MKLN1: variants seen among roughly 807,000 people sequenced by gnomAD.
MKLN1 encodes muskelin.
Under a neutral mutation model 99.0 loss-of-function variants are expected in MKLN1, and 18 were observed. That is an observed-to-expected ratio of 0.18 (90% confidence interval 0.13 to 0.27). MKLN1 has a LOEUF of 0.27. MKLN1 is among the 10% of genes least tolerant of loss of function. The pLI is 1.00. For synonymous variants in MKLN1, 288 were observed against 293.2 expected, an observed-to-expected ratio of 0.98 and a Z score of 0.18; for missense variants, 621 against 875.9, an observed-to-expected ratio of 0.71 and a Z score of 3.67.
rs188172564 is a variant in MKLN1 at position 131,479,833 on chromosome 7, T to A, written c.2086+1156T>A. Among the ~76,000 whole-genome samples the A allele has an allele frequency of 4.0e-3, 477 of 120,098 alleles. 1 individual carries two copies. Among genetic ancestry groups the A allele is most frequent in the African/African-American group, 0.015 (449 of 30,088 alleles). 78.8% of individuals were successfully genotyped at this position (120,098 alleles called of 152,430 possible). On this transcript the variant is annotated intron_variant, in intron 17 of 17. Coordinates refer to ENST00000352689, the MANE Select transcript of MKLN1 (RefSeq NM_013255.5). ...CAGAGTGAGACTCCGTCTCAAAAAA[T>A]AATAATAATAATAAATTTAAATAAA...
intron 2 of MKLN1, among the ~76,000 whole-genome samples, chr7:131,190,562 AT>A (rs536008630): frequency 7.3e-5 from 11 of 150,982 alleles, no homozygotes; most frequent in South Asian, 6.3e-4. Context: ...TATAGAGACT[AT>A]TTTTTTTTCT....
At chr7:131,459,376 CTT>C (rs139116457) in intron 12 of MKLN1, among the ~76,000 whole-genome samples, 2,669 of 152,206 alleles carry the variant, frequency 0.018, 65 homozygotes, top group African/African-American at 0.06. Context: ...TCTAGGCTGA[CTT>C]TGGGAAAAAG....
chr7:131,487,633 G>A lies in MKLN1; in HGVS notation c.2113G>A (p.Ala705Thr). 4 of 1,612,512 alleles carry A rather than the reference G, an allele frequency of 2.5e-6. No homozygotes were observed. The highest frequency in any genetic ancestry group is 3.4e-6 in the Non-Finnish European group (4 of 1,179,184). The change falls in exon 18 of 18, where the codon GCT becomes ACT. Residue 705 changes from alanine (A) to threonine (T), a missense_variant. By Grantham distance (58) the Ala-to-Thr change is moderately conservative. Transcript: ENST00000352689. This position sits in a 1 kb window ranked among gnomAD's most constrained non-coding sequence, Gnocchi z 4.7. ...LGFSDVDHTY[A>T]QRTQLFDTLV... ...CTTTTCTGATGTGGATCACACCTATGCTCAAAGAACTCAGCTCTTTGACAC... is the reference window on the plus strand; with the variant it reads ...CTTTTCTGATGTGGATCACACCTATACTCAAAGAACTCAGCTCTTTGACAC...
chr7:131,245,839 A>C (rs1175325082), intron 3 of MKLN1, among the ~76,000 whole-genome samples: 1 of 152,200 alleles, frequency 6.6e-6, no homozygotes, highest in African/African-American at 2.4e-5. Context: ...CCTGTCATTA[A>C]ACAACGCATG....
At chr7:131,364,121 A>G (rs1488619654) in intron 1 of MKLN1, among the ~76,000 whole-genome samples, 3 of 151,938 alleles carry the variant, frequency 2.0e-5, no homozygotes, top group Non-Finnish European at 4.4e-5. Flanking sequence ...TTTATAGTAT[A>G]CTCTTTATAG....
chr7:131,174,367 T>C (rs186893822), intron 2 of MKLN1, among the ~76,000 whole-genome samples: 1 of 152,318 alleles, frequency 6.6e-6, no homozygotes, highest in African/African-American at 2.4e-5. Flanking sequence ...ATGGCACTCT[T>C]AATCGGAAAA....
intron 2 of MKLN1, among the ~76,000 whole-genome samples, chr7:131,148,338 A>G (rs1407785118): frequency 1.3e-5 from 2 of 152,240 alleles, no homozygotes; most frequent in Non-Finnish European, 2.9e-5. Flanking sequence ...TAAAAAGAAG[A>G]CAAGACATAA....
At chr7:131,318,916 A>T (rs1798719333) in intron 3 of MKLN1, among the ~76,000 whole-genome samples, 1 of 152,244 alleles carries the variant, frequency 6.6e-6, no homozygotes, top group African/African-American at 2.4e-5. Context: ...ATCCCTGAAT[A>T]GACCAATAAC....
intron 1 of MKLN1, among the ~76,000 whole-genome samples, chr7:131,111,514 T>G (rs1795198867): frequency 1.3e-5 from 2 of 152,248 alleles, no homozygotes; most frequent in African/African-American, 4.8e-5. Flanking sequence ...ATTATCAAAC[T>G]GATCCTCTTG....
At chr7:131,486,659 G>A (rs1797287373) in intron 17 of MKLN1, among the ~76,000 whole-genome samples, 1 of 152,094 alleles carries the variant, frequency 6.6e-6, no homozygotes, top group African/African-American at 2.4e-5. Context: ...TGTTTCTCAT[G>A]GCATTTAGCA....
intron 1 of MKLN1, among the ~76,000 whole-genome samples, chr7:131,126,649 G>A (rs1009633818): frequency 6.6e-6 from 1 of 152,152 alleles, no homozygotes; most frequent in African/African-American, 2.4e-5. Context: ...TGCCTCCCGG[G>A]TTCAAGCAAT....
At chr7:131,211,647 C>T (rs1397457837) in intron 3 of MKLN1, among the ~76,000 whole-genome samples, 1 of 151,404 alleles carries the variant, frequency 6.6e-6, no homozygotes, top group Non-Finnish European at 1.5e-5. Flanking sequence ...ATTTTTTAGT[C>T]CCCAGAGGAA....
At chr7:131,174,754 G>T (rs1383661677) in intron 2 of MKLN1, among the ~76,000 whole-genome samples, 1 of 152,130 alleles carries the variant, frequency 6.6e-6, no homozygotes, top group Non-Finnish European at 1.5e-5. Context: ...ATCTTGATGA[G>T]AATTGATAAT....
intron 2 of MKLN1, among the ~76,000 whole-genome samples, chr7:131,154,355 T>C (rs1407607671): frequency 6.6e-6 from 1 of 152,170 alleles, no homozygotes; most frequent in African/African-American, 2.4e-5. Context: ...GTGCCGAGAT[T>C]ACAGGTGTGA....
chr7:131,432,682 G>C (rs548979259), intron 9 of MKLN1, among the ~76,000 whole-genome samples: 1 of 152,068 alleles, frequency 6.6e-6, no homozygotes, highest in Admixed American at 6.6e-5. Flanking sequence ...TCTTGACCTC[G>C]TAATCCACTG....
chr7:131,209,143 G>A (rs1249754703), intron 3 of MKLN1, among the ~76,000 whole-genome samples: 2 of 152,192 alleles, frequency 1.3e-5, no homozygotes, highest in African/African-American at 2.4e-5. Context: ...AGAGGGCCTA[G>A]GTGGCTGGAA....
intron 8 of MKLN1, among the ~76,000 whole-genome samples, chr7:131,424,705 C>T (rs1795306943): frequency 6.6e-6 from 1 of 151,996 alleles, no homozygotes; most frequent in East Asian, 1.9e-4. Flanking sequence ...TTTTTGTGGC[C>T]TAAGTAATGA....
chr7:131,171,741 A>G (rs1176645686), intron 2 of MKLN1, among the ~76,000 whole-genome samples: 1 of 152,220 alleles, frequency 6.6e-6, no homozygotes, highest in Non-Finnish European at 1.5e-5. Context: ...TACAGGCATG[A>G]GCCACCTCGC....
chr7:131,224,896 AC>A (rs1267789014), intron 3 of MKLN1, among the ~76,000 whole-genome samples: 1 of 149,034 alleles, frequency 6.7e-6, no homozygotes, highest in African/African-American at 2.5e-5. Flanking sequence ...ACATGGTGAA[AC>A]CCCGTCTCTA....
Sources: allele counts gnomAD v4.1 joint callset (sites outside exome capture counted in the v4.1 genomes callset), GRCh38; gene constraint gnomAD v4.1.1; non-coding constraint Gnocchi (gnomAD v3.1); transcripts MANE v1.5; gene names NCBI Gene and HGNC (gene_info 2026-07-23, HGNC 2026-07-21).